KLKB1: variants seen among roughly 807,000 people sequenced by gnomAD.
KLKB1 encodes kallikrein B1, also known as plasma kallikrein.
A neutral mutation model predicts 73.6 loss-of-function variants in KLKB1; 58 were observed. That is an observed-to-expected ratio of 0.79 (90% CI 0.64 to 0.98). The LOEUF is 0.98. Ranked by LOEUF, KLKB1 falls within the 50% of genes least tolerant of loss-of-function variation. The probability of loss-of-function intolerance (pLI) is 0.00; values close to 1 mark genes in which losing one functional copy is unlikely to be tolerated. For synonymous variants in KLKB1, 280 were observed against 258.1 expected, an observed-to-expected ratio of 1.08 and a Z score of -0.81; for missense variants, 737 against 763.8, an observed-to-expected ratio of 0.96 and a Z score of 0.41.
Position 186,256,071 on chromosome 4 carries a change from C to A in KLKB1, c.1569C>A (p.Gly523=). 1 of 1,607,426 alleles carries A rather than the reference C, an allele frequency of 6.2e-7. No individual in the cohort carries two copies. Among genetic ancestry groups the A allele is most frequent in the Non-Finnish European group, 8.5e-7 (1 of 1,173,910 alleles). Residue 523 remains glycine, a synonymous_variant, in exon 13 of 15, where the codon GGC becomes GGA. Transcript: ENST00000264690. ...IYTNCWVTGW[G]FSKEKGEIQN... is the part of the protein sequence containing the mutation. ...CCAACTGTTGGGTAACCGGATGGGG[C>A]TTCTCGAAGGAGAAAGGTAAGCATG... is the stretch of plus-strand genomic sequence containing the variant.
At chr4:186,229,768 A>G (rs1737307958) in intron 2 of KLKB1, among the ~76,000 whole-genome samples, 1 of 152,122 alleles carries the variant, frequency 6.6e-6, no homozygotes, top group Non-Finnish European at 1.5e-5. Context: ...ACAGTGTCCT[A>G]ATTTATTTCT....
intron 6 of KLKB1, among the ~76,000 whole-genome samples, chr4:186,241,276 G>A (rs979837907): frequency 3.3e-5 from 5 of 152,080 alleles, no homozygotes; most frequent in African/African-American, 1.2e-4. Flanking sequence ...GTTTCACCAA[G>A]GATTTTCCTA....
rs778428593 is a variant in KLKB1 at position 186,250,296 on chromosome 4, A to G, written c.652A>G (p.Arg218Gly). ...TGCGTTCTCAGATGTGGATGTTGCC[A>G]GGGTTCTCACTCCAGATGCTTTTGT... ...HLAFSDVDVA[R>G]VLTPDAFVCR... is the part of the protein sequence containing the mutation. Residue 218 changes from arginine (R) to glycine (G), a missense_variant, in exon 7 of 15, where the codon AGG (arginine) becomes GGG (glycine). Transcript: ENST00000264690. 6.2e-7 allele frequency: 1 copy of G among 1,614,142 alleles called. No homozygotes were observed. The highest frequency in any genetic ancestry group is 1.1e-5 in the South Asian group (1 of 91,074).
At chr4:186,256,716 C>T (rs1277037836) in intron 13 of KLKB1, among the ~76,000 whole-genome samples, 1 of 152,138 alleles carries the variant, frequency 6.6e-6, no homozygotes, top group Non-Finnish European at 1.5e-5. Context: ...GTTGCCAAAG[C>T]TCGGAGGGCT....
rs1313716544 is a variant in KLKB1 at position 186,245,813 on chromosome 4, TTTGTTTTTTGG to T, written c.599-4427_599-4417del. Among the ~76,000 whole-genome samples, 71 of 66,062 alleles carry T rather than the reference TTTGTTTTTTGG, an allele frequency of 1.1e-3. 17 individuals carry two copies. Among genetic ancestry groups the T allele is most frequent in the East Asian group, 7.8e-3 (10 of 1,276 alleles). 43.3% of individuals were successfully genotyped at this position (66,062 alleles called of 152,430 possible). A position where few individuals can be genotyped will look rare whatever the true frequency, so the allele number is the denominator to read the frequency against. On this transcript the variant is annotated intron_variant, in intron 6 of 14. Transcript: ENST00000264690. ...ATCTAATTTTTGGAGTTTTTTTTTG[TTTGTTTTTTGG>T]TTTTTTTTTTTTAATGTCAGGAGCT...
chr4:186,252,117 GAGGC>G lies in KLKB1; in HGVS notation c.1247_1250del (p.Arg416ThrfsTer8). ...GCCTGCAGGTGAAGCTGACAGCTCAGAGGCACCTGTGTGGAGGGTCACTCATAGG... is the reference window on the plus strand; with the variant it reads ...GCCTGCAGGTGAAGCTGACAGCTCAGACCTGTGTGGAGGGTCACTCATAGG... On this transcript the variant is annotated frameshift_variant, in exon 11 of 15. Transcript: ENST00000264690. LOFTEE classifies it high-confidence loss of function. 1 of 1,614,024 alleles carries G rather than the reference GAGGC, an allele frequency of 6.2e-7. No homozygotes were observed. Among genetic ancestry groups the G allele is most frequent in the Non-Finnish European group, 8.5e-7 (1 of 1,180,026 alleles).
At position 186,250,295 on chromosome 4, in the gene KLKB1, C is replaced by A. The variant is rs1208785822; in HGVS notation, c.651C>A (p.Ala217=). ...TTGCGTTCTCAGATGTGGATGTTGC[C>A]AGGGTTCTCACTCCAGATGCTTTTG... The part of the protein sequence containing the change: ...QHLAFSDVDV[A]RVLTPDAFVC... Residue 217 remains alanine (A), a synonymous_variant, in exon 7 of 15, where the codon GCC becomes GCA. Transcript: ENST00000264690. 26 of 1,613,934 alleles carry A rather than the reference C, an allele frequency of 1.6e-5. No homozygotes were observed. The highest frequency in any genetic ancestry group is 2.2e-5 in the Non-Finnish European group (26 of 1,179,964).
rs775113299 is a variant in KLKB1, at chr4:186,229,516, A to G, written c.58+1263A>G. 4.6e-5 allele frequency among the ~76,000 whole-genome samples: 7 copies of G among 152,122 alleles called. 1 individual carries two copies. The highest frequency in any genetic ancestry group is 1.0e-4 in the Non-Finnish European group (7 of 68,040). ...CTCTTTTTATGGTATTTTTGTGTGC[A>G]CATTCTTATGCTCTTATTCAGTTAT... On this transcript the variant is annotated intron_variant, in intron 2 of 14. Transcript: ENST00000264690.
Position 186,254,647 on chromosome 4 carries a change from C to G in KLKB1, c.1373C>G (p.Thr458Arg), listed in dbSNP as rs747579429. Residue 458 changes from threonine (T) to arginine (R), a missense_variant, in exon 12 of 15, where the codon ACA becomes AGA. By Grantham distance (71) the Thr-to-Arg change is moderately conservative. Coordinates refer to ENST00000264690, the MANE Select transcript of KLKB1 (RefSeq NM_000892.5). The stretch of plus-strand genomic sequence containing the variant: ...GGCATTTTAAATCTGTCAGACATTA[C>G]AAAAGATACACCTTTCTCACAAATA... The part of the protein sequence containing the change: ...YSGILNLSDI[T>R]KDTPFSQIKE... The G allele has an allele frequency of 6.2e-7, 1 of 1,613,618 alleles. No homozygotes were observed. The highest frequency in any genetic ancestry group is 1.1e-5 in the South Asian group (1 of 91,068).
At chr4:186,249,880 A>G (rs952889361) in intron 6 of KLKB1, among the ~76,000 whole-genome samples, 1 of 151,650 alleles carries the variant, frequency 6.6e-6, no homozygotes, top group African/African-American at 2.4e-5. Context: ...AGAATTTTTT[A>G]TAATATTCAG....
intron 6 of KLKB1, among the ~76,000 whole-genome samples, chr4:186,245,092 G>A (rs1304089488): frequency 5.3e-5 from 8 of 152,100 alleles, no homozygotes; most frequent in Non-Finnish European, 1.5e-5. Flanking sequence ...ACCTAGTAAG[G>A]GAGCTGGGCA....
chr4:186,240,343 T>G (rs1462607224), intron 6 of KLKB1, among the ~76,000 whole-genome samples: 1 of 152,078 alleles, frequency 6.6e-6, no homozygotes, highest in Non-Finnish European at 1.5e-5. Flanking sequence ...ATAGGTACAG[T>G]GACGTTGTAA....
At chr4:186,226,638 T>C (rs892225957), upstream of KLKB1, 1 of 152,392 alleles carries the variant, frequency 6.6e-6, no homozygotes, top group African/African-American at 2.4e-5. Flanking sequence ...AACATGGGGA[T>C]CACCTGGCAC....
chr4:186,237,389 G>A (rs140914350), intron 5 of KLKB1, among the ~76,000 whole-genome samples: 5 of 152,184 alleles, frequency 3.3e-5, no homozygotes, highest in African/African-American at 7.2e-5. Context: ...GAGCCACTGC[G>A]CCTCGCCCTT....
At chr4:186,256,274 A>T (rs988775946) in intron 13 of KLKB1, among the ~76,000 whole-genome samples, 187 bp downstream of exon 13, 2 of 152,192 alleles carry the variant, frequency 1.3e-5, no homozygotes, top group Admixed American at 6.5e-5. Flanking sequence ...TTGAAAAAAA[A>T]TTTTAGGGAG....
At chr4:186,218,007 C>T (rs1736944761) in intron 2 of KLKB1, among the ~76,000 whole-genome samples, 1 of 152,206 alleles carries the variant, frequency 6.6e-6, no homozygotes, top group African/African-American at 2.4e-5. Context: ...CATGCTGCCT[C>T]TGTAGCAACT....
intron 2 of KLKB1, among the ~76,000 whole-genome samples, chr4:186,229,222 T>C (rs1737281883): frequency 6.6e-6 from 1 of 152,194 alleles, no homozygotes; most frequent in African/African-American, 2.4e-5. Context: ...TTTTGTTTTT[T>C]GGCAAAATAA....
chr4:186,230,905 A>G (rs541917374), intron 2 of KLKB1, among the ~76,000 whole-genome samples: 1 of 152,340 alleles, frequency 6.6e-6, no homozygotes, highest in Non-Finnish European at 1.5e-5. Context: ...TTTTGTGCAT[A>G]CATGAAATCT....
At chr4:186,240,548 T>C (rs554695743) in intron 6 of KLKB1, among the ~76,000 whole-genome samples, 32 of 152,322 alleles carry the variant, frequency 2.1e-4, no homozygotes, top group South Asian at 1.4e-3. Flanking sequence ...TTCCACCTCA[T>C]TTAGCATGTC....
Sources: gnomAD v4.1 joint callset for allele counts (sites outside exome capture counted in the v4.1 genomes callset) on GRCh38, gnomAD v4.1.1 for gene constraint, MANE v1.5 for transcripts, NCBI Gene and HGNC (gene_info 2026-07-23, HGNC 2026-07-21) for gene names.